Variants in DLGAP2 observed in about 807,000 individuals in gnomAD.
The protein encoded by DLGAP2 is DLG associated protein 2, also known as disks large-associated protein 2.
A neutral mutation model predicts 100.3 loss-of-function variants in DLGAP2; 26 were observed. The ratio of observed to expected loss-of-function variants is 0.26; its 90% confidence interval spans 0.19 to 0.36. The LOEUF is 0.36. DLGAP2 is among the 10% of genes least tolerant of loss of function. The pLI is 1.00. For synonymous variants in DLGAP2, 886 were observed against 630.1 expected (o/e 1.41, Z -6.08); for missense variants, 1,858 against 1,453.2 (o/e 1.28, Z -4.53).
At chr8:1,336,987 G>A (rs1801289072) in intron 3 of DLGAP2, among the ~76,000 whole-genome samples, 1 of 152,166 alleles carries the variant, frequency 6.6e-6, no homozygotes, top group South Asian at 2.1e-4. Context: ...TTGACCATAT[G>A]GGAGTGAGGA....
intron 1 of DLGAP2, among the ~76,000 whole-genome samples, chr8:882,263 G>GCCCCCGTGCCTGGCC (rs1797816844): frequency 6.6e-6 from 1 of 151,908 alleles, no homozygotes; most frequent in African/African-American, 2.4e-5. Flanking sequence ...TCTCCTGCGG[G>GCCCCCGTGCCTGGCC]CACCCGTGCC....
intron 3 of DLGAP2, among the ~76,000 whole-genome samples, chr8:1,422,292 A>G (rs900885115): frequency 6.6e-6 from 1 of 152,224 alleles, no homozygotes; most frequent in Non-Finnish European, 1.5e-5. Context: ...ATGTCATTCT[A>G]GTTTTCACAA....
rs543237966 is a variant in DLGAP2, at chr8:849,910, A to T, written c.19-58002A>T. ...GAAACCCCATCTCTACTAAAAATACAAACATTAGCTGGGCCTGGTGCTGTG... is the reference window on the plus strand; with the variant it reads ...GAAACCCCATCTCTACTAAAAATACTAACATTAGCTGGGCCTGGTGCTGTG... On this transcript the variant is annotated intron_variant, in intron 1 of 14. Transcript: ENST00000637795. Among the ~76,000 whole-genome samples the T allele has an allele frequency of 2.5e-3, 379 of 152,184 alleles. 3 individuals carry two copies. Among genetic ancestry groups the T allele is most frequent in the Non-Finnish European group, 1.9e-3 (130 of 68,016 alleles).
At chr8:847,738 C>G (rs1797097488) in intron 1 of DLGAP2, among the ~76,000 whole-genome samples, 1 of 152,182 alleles carries the variant, frequency 6.6e-6, no homozygotes, top group South Asian at 2.1e-4. Flanking sequence ...AAGTCTTAGC[C>G]TCAAGTGATC....
At chr8:1,199,857 A>G (rs758931183) in intron 2 of DLGAP2, among the ~76,000 whole-genome samples, 1 of 152,166 alleles carries the variant, frequency 6.6e-6, no homozygotes, top group Non-Finnish European at 1.5e-5. Flanking sequence ...CACTGGAATC[A>G]TCGGCTGTGT....
chr8:1,442,202 C>T (rs544594586), intron 3 of DLGAP2, among the ~76,000 whole-genome samples: 2 of 103,362 alleles, frequency 1.9e-5, no homozygotes. Flanking sequence ...TGCCAGGCTG[C>T]TGATGGGTTC....
At chr8:1,427,333 C>G (rs753250755) in intron 3 of DLGAP2, among the ~76,000 whole-genome samples, 7 of 152,108 alleles carry the variant, frequency 4.6e-5, no homozygotes, top group Non-Finnish European at 8.8e-5. Context: ...ATATGTATTA[C>G]CAAGTGTAGA....
intron 2 of DLGAP2, among the ~76,000 whole-genome samples, chr8:1,013,467 T>C (rs7002793): frequency 0.34 from 52,097 of 151,704 alleles, 9,037 homozygotes; most frequent in Admixed American, 0.4. Flanking sequence ...AGGAGGCAGA[T>C]GAGCCAGCCT....
chr8:1,558,669 G>T (rs1041779847), intron 5 of DLGAP2, among the ~76,000 whole-genome samples: 3 of 149,296 alleles, frequency 2.0e-5, no homozygotes, highest in African/African-American at 7.5e-5. Context: ...ATGCACATAG[G>T]CATGCATGCA....
rs113406521 is a variant in DLGAP2, at chr8:849,871, C to A, written c.19-58041C>A. 3.7e-3 allele frequency among the ~76,000 whole-genome samples: 563 copies of A among 152,182 alleles called. 5 individuals carry two copies. Among genetic ancestry groups the A allele is most frequent in the African/African-American group, 0.013 (533 of 41,506 alleles). ...GGTGGGCCAGGAGTTCCAAACCAGCCTGGCCAACATGGTGAAACCCCATCT... is the reference window on the plus strand; with the variant it reads ...GGTGGGCCAGGAGTTCCAAACCAGCATGGCCAACATGGTGAAACCCCATCT... On this transcript the variant is annotated intron_variant, in intron 1 of 14. Transcript: ENST00000637795.
At chr8:1,543,965 C>T (rs1801449198) in intron 4 of DLGAP2, among the ~76,000 whole-genome samples, 1 of 151,874 alleles carries the variant, frequency 6.6e-6, no homozygotes, top group South Asian at 2.1e-4. Flanking sequence ...TGCAGTGATG[C>T]AAGCTTGGCT....
intron 5 of DLGAP2, among the ~76,000 whole-genome samples, chr8:1,564,692 A>G (rs1451439676): frequency 4.6e-5 from 7 of 152,134 alleles, no homozygotes; most frequent in African/African-American, 7.2e-5. Context: ...GCTGAGTTCT[A>G]TACCACACAG....
intron 2 of DLGAP2, among the ~76,000 whole-genome samples, chr8:1,219,279 T>C (rs1225666931): frequency 2.0e-5 from 3 of 152,150 alleles, no homozygotes; most frequent in Non-Finnish European, 4.4e-5. Context: ...GCTCTTATTT[T>C]GAGATAAGTT....
rs1798866368 is a variant in DLGAP2 at position 1,678,508 on chromosome 8, G to A, written c.2583G>A (p.Met861Ile). Residue 861 changes from methionine to isoleucine, a missense_variant, in exon 12 of 15, where the codon ATG (methionine) becomes ATA (isoleucine). Coordinates refer to ENST00000637795, the MANE Select transcript of DLGAP2 (RefSeq NM_001346810.2). ...PAIDTVETGR[M>I]SPCRRDGSWF... ...TCGACACGGTAGAGACTGGGAGGAT[G>A]TCTCCGTGCCGCAGGGATGGCTCGT... 1.1e-5 allele frequency: 17 copies of A among 1,610,964 alleles called. No individual in the cohort carries two copies. The East Asian group carries it at 3.6e-4, about 34-fold the overall frequency.
chr8:1,512,547 T>G (rs1219724639), intron 4 of DLGAP2, among the ~76,000 whole-genome samples: 1 of 151,684 alleles, frequency 6.6e-6, no homozygotes, highest in Non-Finnish European at 1.5e-5. Context: ...ACTGACGCAC[T>G]CCCCCGAGAG....
At chr8:928,738 C>T (rs1798874715) in intron 2 of DLGAP2, among the ~76,000 whole-genome samples, 1 of 152,088 alleles carries the variant, frequency 6.6e-6, no homozygotes, top group African/African-American at 2.4e-5. Flanking sequence ...GTGGGAATCG[C>T]TGCCCTCGAT....
At chr8:1,357,867 G>A (rs1425425257) in intron 3 of DLGAP2, among the ~76,000 whole-genome samples, 2 of 152,146 alleles carry the variant, frequency 1.3e-5, no homozygotes, top group African/African-American at 2.4e-5. Context: ...CCATGGGGAG[G>A]AGCAGCTGCC....
At chr8:1,265,739 C>T (rs760951270) in intron 3 of DLGAP2, among the ~76,000 whole-genome samples, 28 of 152,088 alleles carry the variant, frequency 1.8e-4, no homozygotes, top group Non-Finnish European at 3.7e-4. Context: ...GGAGAGTTTT[C>T]GTAGTCAATA....
At chr8:1,670,815 G>T (rs1047934267) in intron 10 of DLGAP2, among the ~76,000 whole-genome samples, 1 of 152,236 alleles carries the variant, frequency 6.6e-6, no homozygotes, top group Non-Finnish European at 1.5e-5. Flanking sequence ...CCAGTGTCAG[G>T]ATAAGGAAAA....
Sources: allele counts gnomAD v4.1 joint callset (sites outside exome capture counted in the v4.1 genomes callset), GRCh38; gene constraint gnomAD v4.1.1; transcripts MANE v1.5; gene names NCBI Gene and HGNC (gene_info 2026-07-23, HGNC 2026-07-21).